Variants in ELMO2 observed in about 807,000 individuals in gnomAD.
The protein encoded by ELMO2 is engulfment and cell motility protein 2.
In ELMO2, 37 loss-of-function variants were observed where a neutral mutation model predicts 96.2. The ratio of observed to expected loss-of-function variants is 0.38; its 90% CI spans 0.30 to 0.51. The LOEUF is 0.51. Ranked by LOEUF, ELMO2 falls within the 20% of genes least tolerant of loss-of-function variation. The pLI, the probability that ELMO2 is intolerant of heterozygous loss-of-function variation, is 0.88. For missense variants in ELMO2, 561 were observed against 912.6 expected (o/e 0.61, Z 4.96); for synonymous variants, 315 against 329.4 (o/e 0.96, Z 0.47).
chr20:46,402,948 T>C (rs555507997), intron 1 of ELMO2, among the ~76,000 whole-genome samples: 1 of 152,240 alleles, frequency 6.6e-6, no homozygotes, highest in Non-Finnish European at 1.5e-5. Flanking sequence ...TTAGGAGCTG[T>C]GTTCTGGAGT....
At chr20:46,368,704 A>G (rs1224076399) in intron 21 of ELMO2, among the ~76,000 whole-genome samples, 187 bp downstream of exon 21, 1 of 150,562 alleles carries the variant, frequency 6.6e-6, no homozygotes, top group African/African-American at 2.4e-5. Flanking sequence ...TGCCCCCCCA[A>G]CCACAGCTCC....
intron 6 of ELMO2, 52 bp downstream of exon 6, chr20:46,393,041 C>T (rs1046619091): frequency 2.4e-5 from 36 of 1,502,852 alleles, no homozygotes; most frequent in Non-Finnish European, 3.2e-5. Flanking sequence ...ATGGTAGGTG[C>T]TCATATTTGT....
rs758899161 is a variant in ELMO2 at position 46,386,242 on chromosome 20, C to A, written c.559G>T (p.Val187Leu). 1 of 1,613,976 alleles carries A rather than the reference C, an allele frequency of 6.2e-7. No individual in the cohort carries two copies. The highest frequency in any genetic ancestry group is 1.3e-5 in the African/African-American group (1 of 74,900). Residue 187 changes from valine to leucine, a missense_variant, in exon 9 of 22, where the codon GTG (valine) becomes TTG (leucine). Coordinates refer to ENST00000290246, the MANE Select transcript of ELMO2 (RefSeq NM_133171.5). ...GCCAGGGACCTCTGAAGGATTGACA[C>A]GTCCACCATGGGCTGGCTCACATAC... ...AGYVSQPMVD[V>L]SILQRSLAIL...
intron 10 of ELMO2, chr20:46,382,181 C>G: frequency 7.8e-7 from 1 of 1,289,778 alleles, no homozygotes; most frequent in Non-Finnish European, 1.0e-6. Flanking sequence ...AGCTGGGGCC[C>G]TTTCCACATG....
At chr20:46,385,733 C>T (rs563920467) in intron 9 of ELMO2, among the ~76,000 whole-genome samples, 1 of 152,300 alleles carries the variant, frequency 6.6e-6, no homozygotes, top group East Asian at 1.9e-4. Context: ...AATGATTGGT[C>T]TCTGTTTCAA....
At chr20:46,398,402 T>G (rs934569723) in intron 2 of ELMO2, among the ~76,000 whole-genome samples, 3 of 152,198 alleles carry the variant, frequency 2.0e-5, no homozygotes, top group African/African-American at 7.2e-5. Context: ...AACCTCTGTC[T>G]CCTGGGTTCA....
chr20:46,404,665 A>T (rs1375128873), intron 1 of ELMO2, among the ~76,000 whole-genome samples: 2 of 152,260 alleles, frequency 1.3e-5, no homozygotes, highest in Non-Finnish European at 2.9e-5. Flanking sequence ...GTTACTAAGC[A>T]CTTGAAAAGT....
In ELMO2 at chr20:46,366,761, T is replaced by G. The variant is rs2059593567; in HGVS notation, c.*599A>C. 1.3e-5 allele frequency: 2 copies of G among 152,672 alleles called. No homozygotes were observed. Among genetic ancestry groups the G allele is most frequent in the Admixed American group, 1.3e-4 (2 of 15,278 alleles). 9.5% of individuals were successfully genotyped at this position (152,672 alleles called of 1,614,324 possible). ...AAATTTCCGTCTGCTCTGATATCTG[T>G]ATGGGCCAGAGAGATCTGGTGGCTC... On this transcript the variant is annotated 3_prime_UTR_variant, in exon 22 of 22. Coordinates refer to ENST00000290246, the MANE Select transcript of ELMO2 (RefSeq NM_133171.5).
rs915550728 is a variant in ELMO2 at position 46,375,921 on chromosome 20, T to C, written c.808-131A>G. 1.6e-6 allele frequency: 2 copies of C among 1,269,422 alleles called. No homozygotes were observed. The highest frequency in any genetic ancestry group is 3.0e-5 in the African/African-American group (2 of 67,254). The allele number at this position is 1,269,422 out of a possible 1,614,324, so 78.6% of individuals were successfully genotyped here. A position where few individuals can be genotyped will look rare whatever the true frequency, so the allele number is the denominator to read the frequency against. On this transcript the variant is annotated intron_variant, in intron 11 of 21. Transcript: ENST00000290246. This position sits in a 1 kb window ranked among gnomAD's most constrained non-coding sequence, Gnocchi z 4.6. ...TTTCCTCCCACACACGAGGACTTCA[T>C]ATTCTAGAAGGCGATGGAGCATGAA... is the stretch of plus-strand genomic sequence containing the variant.
chr20:46,387,651 A>AAG (rs2060072533), intron 7 of ELMO2: 1 of 228,754 alleles, frequency 4.4e-6, no homozygotes, highest in Non-Finnish European at 8.9e-6. Flanking sequence ...AAAAAAAAAA[A>AAG]AATGTTGCTG....
chr20:46,369,470 T>C (rs1378237233), intron 20 of ELMO2: 2 of 154,786 alleles, frequency 1.3e-5, no homozygotes, highest in African/African-American at 4.8e-5. Flanking sequence ...GTTTCCTATA[T>C]AAACTGTACC....
chr20:46,366,425 A>G lies in ELMO2; in HGVS notation c.*935T>C, dbSNP rs955037376. 6.5e-6 allele frequency: 1 copy of G among 152,714 alleles called. No individual in the cohort carries two copies. The highest frequency in any genetic ancestry group is 1.5e-5 in the Non-Finnish European group (1 of 68,058). 9.5% of individuals were successfully genotyped at this position (152,714 alleles called of 1,614,324 possible). The stretch of plus-strand genomic sequence containing the variant: ...CACAGGTGTGGCCTCAGCCGGCCTC[A>G]GCCAGCTCCCTGAAATCATGGCCAA... On this transcript the variant is annotated 3_prime_UTR_variant, in exon 22 of 22. Transcript: ENST00000290246.
intron 13 of ELMO2, among the ~76,000 whole-genome samples, 156 bp from the exon 14 acceptor site, chr20:46,374,796 G>C (rs2059822900): frequency 6.6e-6 from 1 of 152,150 alleles, no homozygotes; most frequent in African/African-American, 2.4e-5. Context: ...ACTGAACTGT[G>C]AGCTCTTGAG....
intron 1 of ELMO2, among the ~76,000 whole-genome samples, chr20:46,405,560 G>A (rs1338452694): frequency 1.3e-5 from 2 of 152,112 alleles, no homozygotes; most frequent in Non-Finnish European, 2.9e-5. Context: ...GTGGGACGCC[G>A]GGCCAGTTTC....
chr20:46,405,269 C>T (rs2145869308), intron 1 of ELMO2, among the ~76,000 whole-genome samples: 1 of 152,262 alleles, frequency 6.6e-6, no homozygotes, highest in South Asian at 2.1e-4. Context: ...AAGTCAGGGA[C>T]AGGGATGCCT....
chr20:46,385,979 C>T, intron 9 of ELMO2, 145 bp downstream of exon 9: 1 of 842,642 alleles, frequency 1.2e-6, no homozygotes, highest in South Asian at 2.0e-5. Context: ...GAAATTCTGG[C>T]AGGAGTGTGG....
Position 46,394,538 on chromosome 20 carries a change from G to T in ELMO2, c.-50-6C>A, listed in dbSNP as rs1489567721. 1 of 1,575,222 alleles carries T rather than the reference G, an allele frequency of 6.3e-7. No individual in the cohort carries two copies. The highest frequency in any genetic ancestry group is 1.3e-5 in the African/African-American group (1 of 74,254). ...AAAAACACAGACACGGCTGCCTGGGGAGAAAGAATCAGAAAGGTGGAAAAA... is the reference window on the plus strand; with the variant it reads ...AAAAACACAGACACGGCTGCCTGGGTAGAAAGAATCAGAAAGGTGGAAAAA... On this transcript the variant is annotated splice_polypyrimidine_tract_variant and splice_region_variant and intron_variant, in intron 2 of 21. Transcript: ENST00000290246.
Position 46,383,440 on chromosome 20 carries a change from C to T in ELMO2, c.732G>A (p.Leu244=), listed in dbSNP as rs532003370. ...CCTGTCGTTTGTCCTCAGGAGCCTT[C>T]AGAAAAAGTGCATTAATCAGTGCAA... ...YAIALINALF[L]KAPEDKRQDM... The change falls in exon 10 of 22, where the codon CTG becomes CTA. Residue 244 remains leucine (L), a synonymous_variant. Transcript: ENST00000290246. The T allele has an allele frequency of 6.2e-7, 1 of 1,614,138 alleles. No individual in the cohort carries two copies. Among genetic ancestry groups the T allele is most frequent in the African/African-American group, 1.3e-5 (1 of 75,036 alleles).
chr20:46,399,297 G>A (rs772183682), intron 1 of ELMO2, among the ~76,000 whole-genome samples: 3 of 152,204 alleles, frequency 2.0e-5, no homozygotes, highest in Non-Finnish European at 4.4e-5. Flanking sequence ...CTGTCTACAG[G>A]TGGGCCACAC....
Sources: allele counts gnomAD v4.1 joint callset (sites outside exome capture counted in the v4.1 genomes callset), GRCh38; gene constraint gnomAD v4.1.1; non-coding constraint Gnocchi (gnomAD v3.1); transcripts MANE v1.5; gene names NCBI Gene and HGNC (gene_info 2026-07-23, HGNC 2026-07-21).